The following PRKAG2 variants were observed in gnomAD, a reference collection of about 807,000 sequenced individuals.
PRKAG2 encodes the protein 5'-AMP-activated protein kinase subunit gamma-2.
Under a neutral mutation model 69.6 loss-of-function variants are expected in PRKAG2, and 26 were observed. The observed-to-expected ratio is 0.37, with a 90% CI of 0.27 to 0.52. PRKAG2 has a LOEUF of 0.52. PRKAG2 is among the 20% of genes least tolerant of loss of function. The pLI, the probability that PRKAG2 is intolerant of heterozygous loss-of-function variation, is 0.90. For synonymous variants in PRKAG2, 293 were observed against 285.0 expected, an observed-to-expected ratio of 1.03 and a Z score of -0.28; for missense variants, 557 against 740.0, an observed-to-expected ratio of 0.75 and a Z score of 2.87.
chr7:151,561,107 A>G (rs1281658773), intron 14 of PRKAG2, among the ~76,000 whole-genome samples: 1 of 152,172 alleles, frequency 6.6e-6, no homozygotes, highest in Non-Finnish European at 1.5e-5. Flanking sequence ...TGAGAAGGAA[A>G]GAGGGGAAAG....
At chr7:151,861,713 T>C (rs981075227) in intron 1 of PRKAG2, among the ~76,000 whole-genome samples, 2 of 151,982 alleles carry the variant, frequency 1.3e-5, no homozygotes, top group Non-Finnish European at 1.5e-5. Flanking sequence ...TCCTGCTCTT[T>C]ACTGTGGCAT....
intron 11 of PRKAG2, 99 bp from the exon 12 acceptor site, chr7:151,565,984 A>T (rs1204172238): frequency 2.8e-6 from 4 of 1,415,252 alleles, no homozygotes; most frequent in Non-Finnish European, 4.0e-6. Flanking sequence ...AACAAATTAA[A>T]GTTAGTTTTT....
intron 1 of PRKAG2, among the ~76,000 whole-genome samples, chr7:151,831,101 T>G (rs10952320): frequency 0.91 from 139,124 of 152,194 alleles, 64,908 homozygotes; most frequent in East Asian, 1. Flanking sequence ...AGGATACAAA[T>G]AAATTGCAAT....
chr7:151,798,149 G>T (rs370187703), intron 1 of PRKAG2, among the ~76,000 whole-genome samples: 1 of 151,434 alleles, frequency 6.6e-6, no homozygotes, highest in South Asian at 2.1e-4. Flanking sequence ...GATTACAGGC[G>T]CCCGCCACCA....
intron 5 of PRKAG2, among the ~76,000 whole-genome samples, chr7:151,611,034 C>T (rs1747704613): frequency 6.6e-6 from 1 of 152,088 alleles, no homozygotes. Context: ...GGATTACAGG[C>T]GTGAGCCACC....
At chr7:151,875,562 GGTGTGTGTGTGTGTGTGT>G (rs55660204) in intron 1 of PRKAG2, among the ~76,000 whole-genome samples, 165 of 131,396 alleles carry the variant, frequency 1.3e-3, no homozygotes, top group South Asian at 3.1e-3. Flanking sequence ...GGAGCACTCT[GGTGTGTGTGTGTGTGTGT>G]GTGTGTGTGT....
chr7:151,692,178 AC>A (rs1391181726), intron 3 of PRKAG2, among the ~76,000 whole-genome samples: 2 of 152,034 alleles, frequency 1.3e-5, no homozygotes, highest in African/African-American at 4.8e-5. Flanking sequence ...ACAAAGTGAG[AC>A]CCTGTCTCAA....
intron 5 of PRKAG2, among the ~76,000 whole-genome samples, chr7:151,607,350 T>C (rs1461217128): frequency 2.0e-5 from 3 of 152,220 alleles, no homozygotes; most frequent in African/African-American, 7.2e-5. Context: ...GGTGCGATCA[T>C]GGCTCACTGC....
intron 4 of PRKAG2, among the ~76,000 whole-genome samples, chr7:151,651,517 G>A (rs1355456866): frequency 6.6e-6 from 1 of 152,184 alleles, no homozygotes; most frequent in East Asian, 1.9e-4. Context: ...TGAGGTAGGA[G>A]AATCTCTTGA....
At chr7:151,795,878 T>TATAC (rs2077501065) in intron 1 of PRKAG2, among the ~76,000 whole-genome samples, 1 of 115,156 alleles carries the variant, frequency 8.7e-6, no homozygotes, top group African/African-American at 3.6e-5. Flanking sequence ...TATATATATA[T>TATAC]ATATATATAT....
chr7:151,730,068 G>A (rs1009844052), intron 3 of PRKAG2, among the ~76,000 whole-genome samples: 1 of 152,230 alleles, frequency 6.6e-6, no homozygotes, highest in African/African-American at 2.4e-5. Flanking sequence ...TCAGCTGTGA[G>A]TGATGGAGGA....
intron 3 of PRKAG2, among the ~76,000 whole-genome samples, chr7:151,707,457 C>T (rs537445519): frequency 4.6e-4 from 70 of 152,206 alleles, no homozygotes; most frequent in African/African-American, 1.6e-3. Context: ...TGTTTCTTCC[C>T]GCCCTTGAGC....
Position 151,638,372 on chromosome 7 carries a change from T to C in PRKAG2, c.685-6234A>G, listed in dbSNP as rs908369824. Among the ~76,000 whole-genome samples the C allele has an allele frequency of 2.6e-5, 4 of 152,166 alleles. No individual in the cohort carries two copies. The highest frequency in any genetic ancestry group is 5.9e-5 in the Non-Finnish European group (4 of 68,028). On this transcript the variant is annotated intron_variant, in intron 4 of 15. Transcript: ENST00000287878. The surrounding 1 kb of genome is among the most constrained non-coding windows in gnomAD (Gnocchi z 4.3). ...ATTATTATCCCGGCATGGTGGCTCA[T>C]GCCTGTAATCCCAGCACTTTGGGAG...
chr7:151,706,357 TG>T (rs1349092436), intron 3 of PRKAG2, among the ~76,000 whole-genome samples: 3 of 152,238 alleles, frequency 2.0e-5, no homozygotes, highest in African/African-American at 4.8e-5. Context: ...AGCCCAGGAC[TG>T]GGAGGTCAGG....
At chr7:151,685,138 C>G (rs567733024) in intron 3 of PRKAG2, among the ~76,000 whole-genome samples, 1 of 152,180 alleles carries the variant, frequency 6.6e-6, no homozygotes, top group Non-Finnish European at 1.5e-5. Context: ...TCTTTCCCCC[C>G]AGCCCAGGGT....
At chr7:151,640,598 A>T (rs906414479) in intron 4 of PRKAG2, among the ~76,000 whole-genome samples, 6 of 152,082 alleles carry the variant, frequency 3.9e-5, no homozygotes, top group Admixed American at 6.6e-5. Flanking sequence ...GATTCAGATC[A>T]ATCTTTCTCT....
chr7:151,700,964 G>C (rs556710339), intron 3 of PRKAG2, among the ~76,000 whole-genome samples: 4 of 152,342 alleles, frequency 2.6e-5, no homozygotes, highest in African/African-American at 9.6e-5. Context: ...ACACAGGCGA[G>C]ACCACAGAGC....
chr7:151,794,664 G>A (rs777392429), intron 1 of PRKAG2, among the ~76,000 whole-genome samples: 6 of 152,256 alleles, frequency 3.9e-5, no homozygotes, highest in Admixed American at 6.5e-5. Flanking sequence ...GCCTGAGATC[G>A]GGTTTCAGAG....
In PRKAG2 at chr7:151,565,823, C is replaced by T. The variant is rs114079815; in HGVS notation, c.1296G>A (p.Thr432=). 5.4e-4 allele frequency: 868 copies of T among 1,612,402 alleles called. 6 individuals carry two copies. In the African/African-American group the frequency reaches 0.01, roughly 19 times the overall value. The change falls in exon 12 of 16, where the codon ACG becomes ACA. Residue 432 remains threonine, a synonymous_variant. Coordinates refer to ENST00000287878, the MANE Select transcript of PRKAG2 (RefSeq NM_016203.4). ...KQNLDELGIG[T]YHNIAFIHPD... is the part of the protein sequence containing the mutation. ...GATGTATGAAGGCAATGTTGTGGTA[C>T]GTTCCTATTCCAAGCTCATCCAGGT...
Sources: gnomAD v4.1 joint callset for allele counts (sites outside exome capture counted in the v4.1 genomes callset) on GRCh38, gnomAD v4.1.1 for gene constraint, Gnocchi (gnomAD v3.1) non-coding constraint, MANE v1.5 for transcripts, NCBI Gene and HGNC (gene_info 2026-07-23, HGNC 2026-07-21) for gene names.